The following CCDC102B variants were observed in gnomAD, a reference collection of about 807,000 sequenced individuals.
CCDC102B encodes coiled-coil domain-containing protein 102B.
Under a neutral mutation model 57.4 loss-of-function variants are expected in CCDC102B, and 75 were observed. The ratio of observed to expected loss-of-function variants is 1.31; its 90% confidence interval spans 1.08 to 1.58. CCDC102B has a LOEUF of 1.58. CCDC102B is among the 40% of genes most tolerant of loss of function. The pLI is 0.00. For synonymous variants in CCDC102B, 206 were observed against 201.9 expected (o/e 1.02, Z -0.17); for missense variants, 636 against 582.6 (o/e 1.09, Z -0.94).
intron 6 of CCDC102B, among the ~76,000 whole-genome samples, chr18:68,974,627 A>T (rs531312240): frequency 3.5e-4 from 54 of 152,122 alleles, no homozygotes; most frequent in Middle Eastern, 3.4e-3. Flanking sequence ...TTAATATACC[A>T]TACTTTTCCC....
At chr18:69,006,564 G>C (rs2051351644) in intron 6 of CCDC102B, among the ~76,000 whole-genome samples, 1 of 151,062 alleles carries the variant, frequency 6.6e-6, no homozygotes, top group African/African-American at 2.4e-5. Context: ...TGGGACTACA[G>C]GCACATGCCA....
chr18:68,871,751 G>A (rs1014125506), intron 4 of CCDC102B, among the ~76,000 whole-genome samples: 9 of 152,064 alleles, frequency 5.9e-5, no homozygotes, highest in Non-Finnish European at 1.2e-4. Flanking sequence ...AGGAGTTATC[G>A]GATCATGTGG....
intron 6 of CCDC102B, among the ~76,000 whole-genome samples, chr18:68,943,718 C>T (rs781669087): frequency 3.9e-5 from 6 of 152,224 alleles, no homozygotes; most frequent in South Asian, 4.1e-4. Flanking sequence ...CACTTTGAGA[C>T]CAATTAAGAG....
intron 2 of CCDC102B, among the ~76,000 whole-genome samples, chr18:68,764,630 G>A (rs990824922): frequency 1.3e-4 from 20 of 152,154 alleles, no homozygotes; most frequent in African/African-American, 4.8e-4. Flanking sequence ...GAATGCCAGT[G>A]TATCTCTTAT....
chr18:68,815,673 T>TACACACACACACACACAC (rs1297745318), intron 1 of CCDC102B, among the ~76,000 whole-genome samples: 4 of 48,748 alleles, frequency 8.2e-5, no homozygotes, highest in African/African-American at 3.7e-4. Flanking sequence ...CACCTCCATT[T>TACACACACACACACACAC]ACATACACAC....
chr18:69,049,726 T>A (rs1358521553), intron 7 of CCDC102B, among the ~76,000 whole-genome samples: 3 of 150,600 alleles, frequency 2.0e-5, no homozygotes, highest in Non-Finnish European at 4.4e-5. Context: ...TACTTTTTGT[T>A]GTGGATTTTT....
intron 6 of CCDC102B, among the ~76,000 whole-genome samples, chr18:68,987,516 TC>T (rs1396658288): frequency 1.3e-5 from 2 of 151,854 alleles, no homozygotes; most frequent in African/African-American, 4.8e-5. Flanking sequence ...TTTAGCTAAG[TC>T]CCCAAAAGCA....
At chr18:68,795,360 G>T (rs571942144), upstream of CCDC102B, among the ~76,000 whole-genome samples, 1 of 152,070 alleles carries the variant, frequency 6.6e-6, no homozygotes, top group Non-Finnish European at 1.5e-5. Context: ...TTAAGGAAAG[G>T]CCATATATAT....
intron 5 of CCDC102B, among the ~76,000 whole-genome samples, chr18:68,886,057 A>G (rs1599635052): frequency 1.3e-5 from 2 of 152,000 alleles, no homozygotes; most frequent in East Asian, 3.9e-4. Flanking sequence ...GTAAATATAT[A>G]TATATATTTA....
chr18:68,908,789 T>C (rs780353897), intron 6 of CCDC102B, among the ~76,000 whole-genome samples: 6 of 152,164 alleles, frequency 3.9e-5, no homozygotes, highest in Non-Finnish European at 8.8e-5. Context: ...AAATTTAGCA[T>C]TGGATAATAT....
At chr18:68,976,114 A>G (rs576534488) in intron 6 of CCDC102B, among the ~76,000 whole-genome samples, 1 of 152,170 alleles carries the variant, frequency 6.6e-6, no homozygotes, top group African/African-American at 2.4e-5. Context: ...TTTTAAAAAT[A>G]TGTAAAATAT....
intron 6 of CCDC102B, among the ~76,000 whole-genome samples, chr18:68,903,609 A>G (rs568486552): frequency 3.3e-4 from 51 of 152,336 alleles, no homozygotes; most frequent in African/African-American, 1.2e-3. Context: ...TAATAGCTCA[A>G]TTCTTCCACT....
intron 6 of CCDC102B, among the ~76,000 whole-genome samples, chr18:68,929,072 C>A (rs17079907): frequency 0.088 from 13,310 of 151,864 alleles, 749 homozygotes; most frequent in East Asian, 0.21. Flanking sequence ...CATTTCAACT[C>A]GTCATAGCTA....
intron 1 of CCDC102B, among the ~76,000 whole-genome samples, chr18:68,804,864 C>CT (rs202008892): frequency 0.32 from 45,097 of 140,724 alleles, 7,007 homozygotes; most frequent in East Asian, 0.51. Flanking sequence ...GGATCAAAAT[C>CT]TTTTTTTTTT....
intron 4 of CCDC102B, among the ~76,000 whole-genome samples, chr18:68,864,206 C>G (rs1441342369): frequency 2.0e-5 from 3 of 151,878 alleles, no homozygotes; most frequent in African/African-American, 7.2e-5. Flanking sequence ...TTCATCTTTC[C>G]CCAAGGAATC....
intron 7 of CCDC102B, among the ~76,000 whole-genome samples, chr18:69,011,388 GTGTGTGTT>G (rs1328908903): frequency 6.6e-6 from 1 of 151,576 alleles, no homozygotes; most frequent in East Asian, 1.9e-4. Flanking sequence ...GTGTGTGTGT[GTGTGTGTT>G]TAAATATAGG....
At chr18:68,856,001 G>A (rs2144853346) in intron 4 of CCDC102B, among the ~76,000 whole-genome samples, 2 of 152,216 alleles carry the variant, frequency 1.3e-5, no homozygotes, top group Non-Finnish European at 2.9e-5. Flanking sequence ...GGTAGAGAAG[G>A]AATGAGTGAG....
chr18:68,997,084 C>T (rs1022889093), intron 6 of CCDC102B, among the ~76,000 whole-genome samples: 4 of 152,170 alleles, frequency 2.6e-5, no homozygotes, highest in African/African-American at 9.7e-5. Context: ...CTTCCTGCCA[C>T]CATGTAAAGA....
intron 6 of CCDC102B, among the ~76,000 whole-genome samples, chr18:68,929,488 C>T (rs2041593835): frequency 2.0e-5 from 3 of 151,896 alleles, no homozygotes; most frequent in South Asian, 2.1e-4. Context: ...GCTGGGTTCT[C>T]GAAGCTTCAG....
Sources: allele counts gnomAD v4.1 joint callset (sites outside exome capture counted in the v4.1 genomes callset), GRCh38; gene constraint gnomAD v4.1.1; transcripts MANE v1.5; gene names NCBI Gene and HGNC (gene_info 2026-07-23, HGNC 2026-07-21).